ARL10: variants seen among roughly 807,000 people sequenced by gnomAD.
The protein encoded by ARL10 is ARF like GTPase 10, also known as ADP-ribosylation factor-like protein 10.
A neutral mutation model predicts 26.1 loss-of-function variants in ARL10; 23 were observed. That is an observed-to-expected ratio of 0.88 (90% confidence interval 0.63 to 1.25). The LOEUF (loss-of-function observed/expected upper bound fraction) is 1.25, where lower values mean the gene tolerates loss of function less well. Ranked by LOEUF, ARL10 falls within the 50% of genes most tolerant of loss-of-function variation. The pLI is 0.00. For synonymous variants in ARL10, 138 were observed against 149.1 expected (o/e 0.93, Z 0.54); for missense variants, 300 against 323.6 (o/e 0.93, Z 0.56).
In ARL10 at chr5:176,380,206, A is replaced by T. The variant is rs571347481; in HGVS notation, c.*8311A>T. ...GACAGAGAAGGAGCAATCCAGGTTC[A>T]TGTGCTGCATGAGCCTTTCATTTGC... On this transcript the variant is annotated 3_prime_UTR_variant, in exon 4 of 4. Transcript: ENST00000310389. The T allele has an allele frequency of 2.6e-5, 4 of 152,332 alleles. No homozygotes were observed. The highest frequency in any genetic ancestry group is 2.6e-4 in the Admixed American group (4 of 15,306). 9.4% of individuals were successfully genotyped at this position (152,332 alleles called of 1,614,324 possible).
rs1768592642 is a variant in ARL10, at chr5:176,373,011, T to C, written c.*1116T>C. On this transcript the variant is annotated 3_prime_UTR_variant, in exon 4 of 4. Coordinates refer to ENST00000310389, the MANE Select transcript of ARL10 (RefSeq NM_173664.6). Reference sequence around the variant, plus strand: ...GAGGCTGTCGTCGATATCATAGTACTTTACATGGATTCACATGAACTGAAA... The same window carrying C: ...GAGGCTGTCGTCGATATCATAGTACCTTACATGGATTCACATGAACTGAAA... The C allele has an allele frequency of 2.5e-6, 1 of 398,516 alleles. No individual in the cohort carries two copies. The highest frequency in any genetic ancestry group is 2.1e-5 in the African/African-American group (1 of 48,618). 24.7% of individuals were successfully genotyped at this position (398,516 alleles called of 1,614,324 possible). A position where few individuals can be genotyped will look rare whatever the true frequency, so the allele number is the denominator to read the frequency against.
rs148973813 is a variant in ARL10 at position 176,400,529 on chromosome 5, C to T, written c.134-1212C>T. Among the ~76,000 whole-genome samples the T allele has an allele frequency of 1.2e-4, 19 of 152,314 alleles. 1 individual carries two copies. In the East Asian group the frequency reaches 3.7e-3, roughly 29 times the overall value. The stretch of plus-strand genomic sequence containing the variant: ...CCCAAAGCGCTGAGCACCGTGAGCT[C>T]TGCTCACAAGGGTGTGGCACCCTCT... On this transcript the variant is annotated intron_variant, in intron 1 of 1. Transcript: ENST00000514533.
intron 1 of ARL10, among the ~76,000 whole-genome samples, chr5:176,397,048 C>T (rs764713536): frequency 5.3e-5 from 8 of 152,144 alleles, no homozygotes; most frequent in African/African-American, 1.9e-4. Flanking sequence ...CCATGGCCTT[C>T]GTGCAGAGGG....
downstream of ARL10, chr5:176,406,112 C>T: frequency 4.1e-6 from 4 of 977,332 alleles, no homozygotes; most frequent in Non-Finnish European, 4.9e-6. Flanking sequence ...CCTACCCTTG[C>T]CAGTGACAGT....
intron 3 of ARL10, 44 bp from the exon 4 acceptor site, chr5:176,371,678 A>G: frequency 6.4e-7 from 1 of 1,568,414 alleles, no homozygotes; most frequent in East Asian, 2.2e-5. Flanking sequence ...TCAGTGTGTT[A>G]GGAAATGCTG....
At chr5:176,389,181 G>GT, downstream of ARL10, 1 of 1,085,722 alleles carries the variant, frequency 9.2e-7, no homozygotes, top group South Asian at 1.5e-5. Context: ...GGAGGACTCT[G>GT]TAACTAGGAA....
rs748873564 is a variant in ARL10, at chr5:176,380,470, G to GTTTTTTT, written c.*8590_*8596dup. The GTTTTTTT allele has an allele frequency of 8.9e-6, 1 of 112,982 alleles. No individual in the cohort carries two copies. The highest frequency in any genetic ancestry group is 1.8e-5 in the Non-Finnish European group (1 of 54,480). The allele number at this position is 112,982 out of a possible 1,614,324, so 7.0% of individuals were successfully genotyped here. A position where few individuals can be genotyped will look rare whatever the true frequency, so the allele number is the denominator to read the frequency against. ...AACAAGTTCTGGGTCCATAATTTTG[G>GTTTTTTT]TTTTTTTTTTTTTTTTTTTTTGAGA... is the stretch of plus-strand genomic sequence containing the variant. On this transcript the variant is annotated 3_prime_UTR_variant, in exon 4 of 4. Transcript: ENST00000310389.
At chr5:176,403,516 G>A (rs1429850601), downstream of ARL10, among the ~76,000 whole-genome samples, 1 of 150,962 alleles carries the variant, frequency 6.6e-6, no homozygotes, top group Non-Finnish European at 1.5e-5. Flanking sequence ...GTGCAGTGAC[G>A]TGATCTCGGC....
downstream of ARL10, chr5:176,385,076 C>T: frequency 5.9e-6 from 4 of 674,436 alleles, no homozygotes; most frequent in Non-Finnish European, 1.1e-5. Flanking sequence ...AGTTAGATCC[C>T]TGTCAATGGG....
chr5:176,367,054 C>A (rs1768339716), intron 2 of ARL10, among the ~76,000 whole-genome samples: 1 of 137,658 alleles, frequency 7.3e-6, no homozygotes, highest in African/African-American at 2.8e-5. Flanking sequence ...GACACCCAGG[C>A]TGGAGTGCAA....
At chr5:176,397,879 C>T (rs1756624083) in intron 1 of ARL10, 11 of 1,538,318 alleles carry the variant, frequency 7.2e-6, no homozygotes, top group Non-Finnish European at 9.9e-6. Flanking sequence ...TCCCCACACT[C>T]CACCCCACAC....
chr5:176,388,373 G>A, exon 2 of ARL10: 1 of 1,612,010 alleles, frequency 6.2e-7, no homozygotes, highest in Non-Finnish European at 8.5e-7. Context: ...TCGCGGATCC[G>A]TCATCTCGCG....
intron 1 of ARL10, chr5:176,396,573 GC>G: frequency 6.7e-7 from 1 of 1,497,320 alleles, no homozygotes; most frequent in African/African-American, 1.4e-5. Flanking sequence ...GTGGGGGAAG[GC>G]AGATGGCAAG....
chr5:176,382,682 G>A (rs1333263056), downstream of ARL10, among the ~76,000 whole-genome samples: 1 of 152,176 alleles, frequency 6.6e-6, no homozygotes, highest in Non-Finnish European at 1.5e-5. Flanking sequence ...CTTGGGCCGG[G>A]AGGTTGAGGC....
the ARL10 span, among the ~76,000 whole-genome samples, chr5:176,414,379 A>G: frequency 0.46 from 69,880 of 151,146 alleles, 16,537 homozygotes; most frequent in African/African-American, 0.57. Flanking sequence ...AAAAGACCCC[A>G]TGCTTCTCAC....
downstream of ARL10, among the ~76,000 whole-genome samples, chr5:176,382,192 G>A (rs1168592394): frequency 3.9e-5 from 6 of 152,204 alleles, no homozygotes; most frequent in Admixed American, 3.3e-4. Context: ...GCTCTGTGGT[G>A]CCCTTACCCA....
chr5:176,414,163 C>T, the ARL10 span, among the ~76,000 whole-genome samples: 2 of 152,170 alleles, frequency 1.3e-5, no homozygotes, highest in Non-Finnish European at 2.9e-5. Flanking sequence ...AGGCCTCCCT[C>T]CTCTTCCCTG....
chr5:176,394,793 T>A (rs554739834), intron 1 of ARL10, among the ~76,000 whole-genome samples: 1 of 150,960 alleles, frequency 6.6e-6, no homozygotes, highest in Non-Finnish European at 1.5e-5. Flanking sequence ...CCAGCCTGGG[T>A]GACAGAGCAA....
At chr5:176,398,070 T>C (rs995063442) in intron 1 of ARL10, 2 of 1,606,260 alleles carry the variant, frequency 1.2e-6, no homozygotes, top group African/African-American at 2.7e-5. Context: ...CACGCAGCAG[T>C]CTATCCAGCC....
Sources: gnomAD v4.1 joint callset for allele counts (sites outside exome capture counted in the v4.1 genomes callset) on GRCh38, gnomAD v4.1.1 for gene constraint, MANE v1.5 for transcripts, NCBI Gene and HGNC (gene_info 2026-07-23, HGNC 2026-07-21) for gene names.